The following FAM13B variants were observed in gnomAD, a reference collection of about 807,000 sequenced individuals.
FAM13B encodes the protein family with sequence similarity 13 member B.
FAM13B carries 60 observed loss-of-function variants against 117.3 expected under a neutral mutation model. That is an observed-to-expected ratio of 0.51 (90% CI 0.42 to 0.63). The LOEUF is 0.63. Ranked by LOEUF, FAM13B falls within the 30% of genes least tolerant of loss-of-function variation. FAM13B has a pLI of 0.00. For missense variants in FAM13B, 972 were observed against 1,091.9 expected, an observed-to-expected ratio of 0.89 and a Z score of 1.55; for synonymous variants, 332 against 356.1, an observed-to-expected ratio of 0.93 and a Z score of 0.76.
Position 138,007,033 on chromosome 5 carries a change from T to A in FAM13B, c.805A>T (p.Met269Leu). ...TTTGATTCCAGGATGTTTTCAGTCATCCTTAATTGTACCACCTCTGGCATG... is the reference window on the plus strand; with the variant it reads ...TTTGATTCCAGGATGTTTTCAGTCAACCTTAATTGTACCACCTCTGGCATG... ...NDMPEVVQLRMTENILESNSV... is the reference protein window; with the variant it reads ...NDMPEVVQLRLTENILESNSV... The change falls in exon 7 of 24, where the codon ATG (methionine) becomes TTG (leucine). Residue 269 changes from methionine to leucine, a missense_variant. Physicochemically the swap from Met to Leu is conservative, Grantham distance 15 (BLOSUM62 2). Coordinates refer to ENST00000689681, the MANE Select transcript of FAM13B (RefSeq NM_001385994.1). The A allele has an allele frequency of 6.2e-7, 1 of 1,612,990 alleles. No homozygotes were observed. Among genetic ancestry groups the A allele is most frequent in the South Asian group, 1.1e-5 (1 of 90,748 alleles).
At chr5:138,051,889 G>A (rs892132958) in exon 1 of FAM13B, 2 of 152,052 alleles carry the variant, frequency 1.3e-5, no homozygotes, top group African/African-American at 4.8e-5. Flanking sequence ...CAAACACTCA[G>A]CCCTGTAGAT....
chr5:137,960,841 AGTGATCT>A (rs1338577376), intron 11 of FAM13B, among the ~76,000 whole-genome samples: 1 of 152,192 alleles, frequency 6.6e-6, no homozygotes, highest in Non-Finnish European at 1.5e-5. Flanking sequence ...AGCTGTCGTA[AGTGATCT>A]GTACCTATTT....
At chr5:138,036,281 T>A (rs1331112504), upstream of FAM13B, 4 of 382,932 alleles carry the variant, frequency 1.0e-5, no homozygotes, top group South Asian at 5.6e-5. Flanking sequence ...AAGGAGAGCT[T>A]TTTTCTCATG....
chr5:137,966,476 TATATATATATATAGAGAGAGAG>T lies in FAM13B; in HGVS notation c.1180-4029_1180-4008del, dbSNP rs1177936877. The stretch of plus-strand genomic sequence containing the variant: ...AATAGATTTTATATATATATATATA[TATATATATATATAGAGAGAGAG>T]AGAGAGAGAGAGAGAGAGAGAGAGA... On this transcript the variant is annotated intron_variant, in intron 10 of 23. Coordinates refer to ENST00000689681, the MANE Select transcript of FAM13B (RefSeq NM_001385994.1). Among the ~76,000 whole-genome samples, 5 of 66,908 alleles carry T rather than the reference TATATATATATATAGAGAGAGAG, an allele frequency of 7.5e-5. No individual in the cohort carries two copies. The East Asian group carries it at 1.3e-3, about 18-fold the overall frequency. 43.9% of individuals were successfully genotyped at this position (66,908 alleles called of 152,430 possible). A position where few individuals can be genotyped will look rare whatever the true frequency, so the allele number is the denominator to read the frequency against.
intron 1 of FAM13B, among the ~76,000 whole-genome samples, chr5:138,043,904 A>G (rs1380170702): frequency 6.6e-6 from 1 of 151,668 alleles, no homozygotes; most frequent in Non-Finnish European, 1.5e-5. Flanking sequence ...AATATTGCAC[A>G]ATGAAAAGGG....
intron 1 of FAM13B, among the ~76,000 whole-genome samples, chr5:138,023,381 T>C (rs1191112443): frequency 6.6e-6 from 1 of 152,212 alleles, no homozygotes; most frequent in East Asian, 1.9e-4. Context: ...TATTAAGGTA[T>C]TCTTTAACCC....
chr5:137,956,618 ACAAAGC>A, intron 13 of FAM13B, 76 bp from the exon 14 acceptor site: 1 of 1,021,416 alleles, frequency 9.8e-7, no homozygotes. Context: ...TACACATAAC[ACAAAGC>A]CAAAGATACC....
At chr5:138,010,775 C>T (rs1304335345) in intron 6 of FAM13B, among the ~76,000 whole-genome samples, 1 of 151,816 alleles carries the variant, frequency 6.6e-6, no homozygotes, top group African/African-American at 2.4e-5. Flanking sequence ...AAATCTCTAC[C>T]ATATACTCTA....
At chr5:137,980,169 G>A (rs1412692494) in intron 10 of FAM13B, among the ~76,000 whole-genome samples, 10 of 142,776 alleles carry the variant, frequency 7.0e-5, no homozygotes, top group Admixed American at 1.4e-4. Context: ...ATGAAACTCC[G>A]TCTCAAGAAA....
chr5:138,019,774 G>A (rs1786200700), intron 2 of FAM13B: 1 of 152,086 alleles, frequency 6.6e-6, no homozygotes, highest in Admixed American at 6.6e-5. Flanking sequence ...CTGCCTCCTA[G>A]GTTCATGCCA....
chr5:137,973,313 C>T (rs1446943525), intron 10 of FAM13B, among the ~76,000 whole-genome samples: 2 of 152,102 alleles, frequency 1.3e-5, no homozygotes, highest in Non-Finnish European at 2.9e-5. Flanking sequence ...TGCATATCTA[C>T]AACTATCTGA....
intron 18 of FAM13B, among the ~76,000 whole-genome samples, chr5:137,946,659 A>G (rs966448593): frequency 5.9e-5 from 9 of 152,250 alleles, no homozygotes; most frequent in Non-Finnish European, 1.2e-4. Context: ...AGGGCTCTAA[A>G]GAGGACTATT....
At chr5:138,031,838 A>C (rs1224505527) in intron 1 of FAM13B, among the ~76,000 whole-genome samples, 2 of 152,216 alleles carry the variant, frequency 1.3e-5, no homozygotes, top group East Asian at 3.8e-4. Context: ...AGGAAGGTTG[A>C]AAATAGCCTC....
At chr5:137,946,737 G>C (rs1215712166) in intron 18 of FAM13B, among the ~76,000 whole-genome samples, 1 of 152,188 alleles carries the variant, frequency 6.6e-6, no homozygotes, top group African/African-American at 2.4e-5. Flanking sequence ...ATAACTGCTT[G>C]CTATTTCATT....
intron 1 of FAM13B, among the ~76,000 whole-genome samples, chr5:138,051,167 A>G (rs964154636): frequency 3.3e-5 from 5 of 152,196 alleles, no homozygotes; most frequent in Non-Finnish European, 7.4e-5. Context: ...TTTTCTTAAC[A>G]TAAATAGGAT....
intron 1 of FAM13B, among the ~76,000 whole-genome samples, chr5:138,044,278 G>A (rs1791580883): frequency 1.3e-5 from 2 of 152,074 alleles, no homozygotes; most frequent in African/African-American, 4.8e-5. Flanking sequence ...TAGGCCGGGC[G>A]CTGTGGCTCA....
At chr5:138,035,267 T>C (rs1791046977), upstream of FAM13B, among the ~76,000 whole-genome samples, 1 of 151,862 alleles carries the variant, frequency 6.6e-6, no homozygotes, top group Non-Finnish European at 1.5e-5. Flanking sequence ...CACCTCAGCC[T>C]CCCAAAGTGC....
intron 7 of FAM13B, among the ~76,000 whole-genome samples, chr5:137,989,945 T>C (rs1338645777): frequency 6.6e-6 from 1 of 152,212 alleles, no homozygotes; most frequent in Admixed American, 6.5e-5. Flanking sequence ...ATCATCAGTT[T>C]ATTTCTAGCG....
chr5:137,967,691 A>C (rs531824413), intron 10 of FAM13B, among the ~76,000 whole-genome samples: 1 of 152,108 alleles, frequency 6.6e-6, no homozygotes, highest in South Asian at 2.1e-4. Flanking sequence ...CCAGGAGTTC[A>C]AGACCAGCCC....
Sources: allele counts gnomAD v4.1 joint callset (sites outside exome capture counted in the v4.1 genomes callset), GRCh38; gene constraint gnomAD v4.1.1; transcripts MANE v1.5; gene names NCBI Gene and HGNC (gene_info 2026-07-23, HGNC 2026-07-21).